The following KIZ variants were observed in gnomAD, a reference collection of about 807,000 sequenced individuals.
KIZ encodes the protein kizuna centrosomal protein, also known as centrosomal protein kizuna.
KIZ carries 68 observed loss-of-function variants against 79.6 expected under a neutral mutation model. That is an observed-to-expected ratio of 0.85 (90% CI 0.70 to 1.05). The LOEUF (loss-of-function observed/expected upper bound fraction) is 1.05. Among genes scored for constraint, KIZ ranks in the 50% least tolerant of loss-of-function variants. The pLI, the probability that KIZ is intolerant of heterozygous loss-of-function variation, is 0.00. For synonymous variants in KIZ, 280 were observed against 281.8 expected, an observed-to-expected ratio of 0.99 and a Z score of 0.06; for missense variants, 797 against 800.4, an observed-to-expected ratio of 1.00 and a Z score of 0.05.
chr20:21,184,146 C>CTT (rs545005735), intron 6 of KIZ, among the ~76,000 whole-genome samples: 15 of 137,694 alleles, frequency 1.1e-4, no homozygotes, highest in Non-Finnish European at 1.6e-4. Flanking sequence ...TCCCTGACAT[C>CTT]TTTTTTTTTT....
At position 21,162,410 on chromosome 20, in the gene KIZ, AGCCAGCCC is replaced by A. The variant is rs1429038413; in HGVS notation, c.951_958del (p.Pro318LeufsTer10). On this transcript the variant is annotated frameshift_variant, in exon 5 of 13. Coordinates refer to ENST00000619189, the MANE Select transcript of KIZ (RefSeq NM_018474.6). LOFTEE classifies it high-confidence loss of function. ...AACATATTGAAGTTGAGGAAAAAAG[AGCCAGCCC>A]GCCAGTCTCTCCGATACCAGTTTCA... 8.7e-6 allele frequency: 14 copies of A among 1,613,320 alleles called. No individual in the cohort carries two copies. The highest frequency in any genetic ancestry group is 1.3e-5 in the African/African-American group (1 of 74,932).
At position 21,163,025 on chromosome 20, in the gene KIZ, TG is replaced by T; in HGVS notation, c.1220del (p.Gly407GlufsTer2). 1 of 1,613,888 alleles carries T rather than the reference TG, an allele frequency of 6.2e-7. No individual in the cohort carries two copies. The highest frequency in any genetic ancestry group is 1.3e-5 in the African/African-American group (1 of 75,022). ...NPGGKMEGED[G>X]IEALKLIHAE... is the part of the protein sequence containing the mutation. ...CAGGTGGCAAGATGGAGGGAGAAGATGGAATAGAGGCCTTAAAATTAATCCA... is the reference window on the plus strand; with the variant it reads ...CAGGTGGCAAGATGGAGGGAGAAGATGAATAGAGGCCTTAAAATTAATCCA... On this transcript the variant is annotated frameshift_variant, in exon 6 of 13. Coordinates refer to ENST00000619189, the MANE Select transcript of KIZ (RefSeq NM_018474.6). LOFTEE classifies it high-confidence loss of function.
chr20:21,202,938 A>G (rs2035655632), intron 6 of KIZ, among the ~76,000 whole-genome samples: 1 of 152,104 alleles, frequency 6.6e-6, no homozygotes, highest in Non-Finnish European at 1.5e-5. Context: ...CTCTCTCCCT[A>G]ACGCTTTTTT....
intron 6 of KIZ, among the ~76,000 whole-genome samples, chr20:21,174,957 C>T (rs572485333): frequency 2.0e-5 from 3 of 152,322 alleles, no homozygotes; most frequent in Non-Finnish European, 2.9e-5. Flanking sequence ...TTTAGAAATT[C>T]AGCATTCCTT....
At chr20:21,235,999 T>C (rs1214235178) in intron 11 of KIZ, among the ~76,000 whole-genome samples, 1 of 152,250 alleles carries the variant, frequency 6.6e-6, no homozygotes, top group African/African-American at 2.4e-5. Flanking sequence ...TAGGTTCTTA[T>C]ATAAAAGCAC....
At chr20:21,173,136 A>G (rs1437015011) in intron 6 of KIZ, among the ~76,000 whole-genome samples, 1 of 152,160 alleles carries the variant, frequency 6.6e-6, no homozygotes, top group Non-Finnish European at 1.5e-5. Context: ...ACTTATGGAA[A>G]ATCAAGTTGG....
chr20:21,220,078 TGTATATAATAAGTA>T (rs2036452664), intron 9 of KIZ, among the ~76,000 whole-genome samples: 1 of 151,188 alleles, frequency 6.6e-6, no homozygotes, highest in Admixed American at 6.6e-5. Flanking sequence ...TATGGTTTTC[TGTATATAATAAGTA>T]GTATATAATT....
intron 6 of KIZ, among the ~76,000 whole-genome samples, chr20:21,183,599 T>C (rs2034747836): frequency 6.6e-6 from 1 of 152,224 alleles, no homozygotes; most frequent in African/African-American, 2.4e-5. Flanking sequence ...CTAAATATTT[T>C]TCAGGCCATG....
At chr20:21,155,989 A>G (rs79311767) in intron 4 of KIZ, among the ~76,000 whole-genome samples, 3,869 of 152,312 alleles carry the variant, frequency 0.025, 152 homozygotes, top group African/African-American at 0.084. Flanking sequence ...CTTTCCTACG[A>G]GGATTCTGCC....
intron 11 of KIZ, 108 bp downstream of exon 11, chr20:21,232,938 T>G: frequency 1.5e-6 from 1 of 660,492 alleles, no homozygotes; most frequent in South Asian, 1.7e-5. Context: ...CTTGGAGGGT[T>G]ATGGTTTGGG....
chr20:21,134,881 G>C (rs1239885862), intron 2 of KIZ, among the ~76,000 whole-genome samples: 2 of 151,882 alleles, frequency 1.3e-5, no homozygotes, highest in East Asian at 3.9e-4. Flanking sequence ...TGGCCAGGCT[G>C]GTCTGGAACT....
chr20:21,224,013 G>A (rs944726217), intron 9 of KIZ, among the ~76,000 whole-genome samples: 8 of 149,354 alleles, frequency 5.4e-5, no homozygotes, highest in African/African-American at 2.0e-4. Context: ...ATTTTTTTGA[G>A]ATGGAGTTTT....
chr20:21,152,835 T>C (rs555787403), intron 4 of KIZ, among the ~76,000 whole-genome samples: 21 of 152,240 alleles, frequency 1.4e-4, no homozygotes, highest in Non-Finnish European at 2.9e-4. Context: ...CCACATAGAC[T>C]AGGTTTTATT....
chr20:21,221,395 A>C (rs1005221962), intron 9 of KIZ, among the ~76,000 whole-genome samples: 1 of 152,198 alleles, frequency 6.6e-6, no homozygotes, highest in African/African-American at 2.4e-5. Flanking sequence ...AGGATAGAAT[A>C]CTATCTCTTT....
intron 4 of KIZ, among the ~76,000 whole-genome samples, chr20:21,155,437 G>A (rs1213166218): frequency 6.6e-6 from 1 of 152,122 alleles, no homozygotes; most frequent in African/African-American, 2.4e-5. Flanking sequence ...CATATTATAC[G>A]ATTCCACTTA....
chr20:21,246,331 G>T lies in KIZ; in HGVS notation c.1925-148G>T. Reference sequence around the variant, plus strand: ...TGTGCAGTATGACATGCATTTGGGTGTGTCTGGTCAGGTACATCATGTGGT... The same window carrying T: ...TGTGCAGTATGACATGCATTTGGGTTTGTCTGGTCAGGTACATCATGTGGT... On this transcript the variant is annotated intron_variant, in intron 12 of 12. Transcript: ENST00000619189. 4.7e-6 allele frequency: 3 copies of T among 640,676 alleles called. No individual in the cohort carries two copies. The highest frequency in any genetic ancestry group is 8.4e-6 in the Non-Finnish European group (3 of 356,622). The allele number at this position is 640,676 out of a possible 1,614,324, so 39.7% of individuals were successfully genotyped here.
At chr20:21,212,743 C>T (rs1018728594) in intron 7 of KIZ, among the ~76,000 whole-genome samples, 2 of 152,178 alleles carry the variant, frequency 1.3e-5, no homozygotes, top group African/African-American at 4.8e-5. Context: ...TGGCAGTATT[C>T]TTGTCAAGCC....
chr20:21,125,980 C>G (rs1280872215), upstream of KIZ: 11 of 1,273,880 alleles, frequency 8.6e-6, no homozygotes, highest in African/African-American at 1.1e-4. Context: ...GCCCCGCCCC[C>G]ACGGCGTCTT....
intron 6 of KIZ, among the ~76,000 whole-genome samples, chr20:21,168,070 A>T (rs547769083): frequency 6.6e-6 from 1 of 150,842 alleles, no homozygotes; most frequent in East Asian, 2.0e-4. Flanking sequence ...ATCCCTCCCC[A>T]CTCCCCTACC....
Sources: allele counts gnomAD v4.1 joint callset (sites outside exome capture counted in the v4.1 genomes callset), GRCh38; gene constraint gnomAD v4.1.1; transcripts MANE v1.5; gene names NCBI Gene and HGNC (gene_info 2026-07-23, HGNC 2026-07-21).